ZNF362: variants seen among roughly 807,000 people sequenced by gnomAD.
The protein encoded by ZNF362 is rotund homolog.
Under a neutral mutation model 42.9 loss-of-function variants are expected in ZNF362, and 11 were observed. That is an observed-to-expected ratio of 0.26 (90% CI 0.16 to 0.42). ZNF362 has a LOEUF of 0.42. ZNF362 is among the 20% of genes least tolerant of loss of function. The pLI is 1.00. For missense variants in ZNF362, 362 were observed against 576.2 expected (o/e 0.63, Z 3.81); for synonymous variants, 255 against 257.3 (o/e 0.99, Z 0.09).
chr1:33,294,878 C>T lies in ZNF362; in HGVS notation c.909-59C>T, dbSNP rs1646106442. On this transcript the variant is annotated intron_variant, in intron 6 of 8. Transcript: ENST00000539719. This position sits in a 1 kb window ranked among gnomAD's most constrained non-coding sequence, Gnocchi z 4.2. ...AGGGGCCAGAGTAAGGACTTGGGAA[C>T]TGGAGCGGTCTTGGGGTGTGTGTCA... 1 of 1,592,168 alleles carries T rather than the reference C, an allele frequency of 6.3e-7. No individual in the cohort carries two copies. Among genetic ancestry groups the T allele is most frequent in the African/African-American group, 1.3e-5 (1 of 74,568 alleles).
chr1:33,181,302 G>C, the ZNF362 span: 1 of 1,555,638 alleles, frequency 6.4e-7, no homozygotes, highest in South Asian at 1.2e-5. The surrounding 1 kb of genome is among the most constrained non-coding windows in gnomAD (Gnocchi z 6.5). Context: ...GGCGCCCTGC[G>C]CCTCCTGCCG....
chr1:33,225,683 C>A, the ZNF362 span, among the ~76,000 whole-genome samples: 1 of 151,996 alleles, frequency 6.6e-6, no homozygotes, highest in African/African-American at 2.4e-5. Flanking sequence ...TATAGGAAAC[C>A]CAACTATAAG....
the ZNF362 span, among the ~76,000 whole-genome samples, chr1:33,170,486 GACACGGCC>G: frequency 1.3e-5 from 2 of 152,042 alleles, no homozygotes; most frequent in African/African-American, 4.8e-5. Context: ...CAGTACCTAG[GACACGGCC>G]ACACACCCCT....
chr1:33,198,204 T>C, the ZNF362 span, among the ~76,000 whole-genome samples: 4 of 152,104 alleles, frequency 2.6e-5, no homozygotes, highest in African/African-American at 9.7e-5. Flanking sequence ...AAAAATACTA[T>C]GTATAAAGAA....
At chr1:33,204,156 A>ATTT in the ZNF362 span, among the ~76,000 whole-genome samples, 10 of 152,164 alleles carry the variant, frequency 6.6e-5, no homozygotes, top group African/African-American at 2.4e-4. Context: ...TTTCTGTATA[A>ATTT]TATAAGAGTC....
chr1:33,143,017 A>G, the ZNF362 span: 3 of 152,032 alleles, frequency 2.0e-5, no homozygotes, highest in Non-Finnish European at 1.5e-5. Flanking sequence ...CCATTCTATC[A>G]TTTTTATCTG....
At chr1:33,165,739 A>C in the ZNF362 span, 3 of 452,452 alleles carry the variant, frequency 6.6e-6, no homozygotes, top group South Asian at 9.6e-5. This position sits in a 1 kb window ranked among gnomAD's most constrained non-coding sequence, Gnocchi z 4.0. Flanking sequence ...TCTCCTAAAC[A>C]CCTCCAGAAC....
At chr1:33,238,611 G>A in the ZNF362 span, among the ~76,000 whole-genome samples, 3 of 151,898 alleles carry the variant, frequency 2.0e-5, no homozygotes, top group Non-Finnish European at 1.5e-5. Context: ...GAGTTGTTAT[G>A]GACTGAATTG....
the ZNF362 span, among the ~76,000 whole-genome samples, chr1:33,151,747 A>G: frequency 0.03 from 4,498 of 152,266 alleles, 207 homozygotes; most frequent in African/African-American, 0.092. Flanking sequence ...CATCTCTGAG[A>G]CCTTGAGGTC....
chr1:33,275,505 T>C (rs564430264), intron 2 of ZNF362, among the ~76,000 whole-genome samples: 1 of 152,340 alleles, frequency 6.6e-6, no homozygotes, highest in South Asian at 2.1e-4. Flanking sequence ...AAGATAACTT[T>C]CCAGAAGTAC....
At chr1:33,228,641 C>T in the ZNF362 span, among the ~76,000 whole-genome samples, 4 of 152,100 alleles carry the variant, frequency 2.6e-5, no homozygotes, top group Non-Finnish European at 5.9e-5. Context: ...CAGGAAATGC[C>T]GTCAGCTCTA....
chr1:33,189,441 G>A, the ZNF362 span, among the ~76,000 whole-genome samples: 2 of 151,542 alleles, frequency 1.3e-5, no homozygotes, highest in East Asian at 3.9e-4. Context: ...ATACAGTTGG[G>A]TGGATCTGAC....
chr1:33,228,707 A>G, the ZNF362 span, among the ~76,000 whole-genome samples: 1 of 152,182 alleles, frequency 6.6e-6, no homozygotes, highest in African/African-American at 2.4e-5. Flanking sequence ...TCTGGAAGCC[A>G]TCACCATCTC....
chr1:33,213,585 G>T, the ZNF362 span, among the ~76,000 whole-genome samples: 1 of 152,028 alleles, frequency 6.6e-6, no homozygotes, highest in Non-Finnish European at 1.5e-5. Flanking sequence ...GTTGGCTCAC[G>T]CCTGTAATCC....
At chr1:33,260,787 C>T (rs1012782694) in intron 1 of ZNF362, among the ~76,000 whole-genome samples, 1 of 152,060 alleles carries the variant, frequency 6.6e-6, no homozygotes, top group Non-Finnish European at 1.5e-5. Context: ...CCTCCCACCC[C>T]GGGAGACTCA....
rs769211174 is a variant in ZNF362, at chr1:33,295,272, C to T, written c.1113C>T (p.Tyr371=). The T allele has an allele frequency of 5.0e-6, 8 of 1,614,258 alleles. No homozygotes were observed. In the South Asian group the frequency reaches 6.6e-5, roughly 13 times the overall value. The change falls in exon 8 of 9, where the codon TAC becomes TAT. Residue 371 remains tyrosine, a synonymous_variant. Transcript: ENST00000539719. ...SAHAIKHAKA[Y]CCSMCGRAYT... ...ACGCCATCAAGCACGCCAAGGCCTA[C>T]TGCTGCAGCATGTGTGGGCGGGCCT... is the stretch of plus-strand genomic sequence containing the variant.
the ZNF362 span, among the ~76,000 whole-genome samples, chr1:33,167,072 A>G: frequency 6.6e-6 from 1 of 152,066 alleles, no homozygotes; most frequent in African/African-American, 2.4e-5. The surrounding 1 kb of genome is among the most constrained non-coding windows in gnomAD (Gnocchi z 4.2). Flanking sequence ...TCTTCAGACT[A>G]TGCCCTGGCT....
intron 1 of ZNF362, among the ~76,000 whole-genome samples, chr1:33,262,096 A>T (rs1027194240): frequency 8.6e-5 from 13 of 151,588 alleles, no homozygotes; most frequent in African/African-American, 3.2e-4. Flanking sequence ...TGGGCTTTGG[A>T]GGCTGGGTGG....
the ZNF362 span, among the ~76,000 whole-genome samples, chr1:33,211,375 C>T: frequency 6.6e-6 from 1 of 152,074 alleles, no homozygotes; most frequent in Non-Finnish European, 1.5e-5. Flanking sequence ...TGGCTGGTAC[C>T]GTTTGTTCAT....
Sources: allele counts gnomAD v4.1 joint callset (sites outside exome capture counted in the v4.1 genomes callset), GRCh38; gene constraint gnomAD v4.1.1; non-coding constraint Gnocchi (gnomAD v3.1); transcripts MANE v1.5; gene names NCBI Gene and HGNC (gene_info 2026-07-23, HGNC 2026-07-21).